Variants in PHTF1 observed in about 807,000 individuals in gnomAD.
PHTF1 encodes protein PHTF1.
Under a neutral mutation model 102.4 loss-of-function variants are expected in PHTF1, and 88 were observed. The ratio of observed to expected loss-of-function variants is 0.86; its 90% CI spans 0.72 to 1.03. The LOEUF is 1.03. Among genes scored for constraint, PHTF1 ranks in the 50% least tolerant of loss-of-function variants. The probability of loss-of-function intolerance (pLI) is 0.00; values close to 1 mark genes in which losing one functional copy is unlikely to be tolerated. For missense variants in PHTF1, 814 were observed against 909.5 expected (o/e 0.89, Z 1.35); for synonymous variants, 289 against 305.2 (o/e 0.95, Z 0.55).
intron 3 of PHTF1, among the ~76,000 whole-genome samples, chr1:113,751,648 T>C (rs1435112400): frequency 6.6e-6 from 1 of 152,242 alleles, no homozygotes; most frequent in Non-Finnish European, 1.5e-5. Flanking sequence ...CTATTAAGAA[T>C]AGTGCTGCTA....
At chr1:113,755,009 A>T (rs1372165007) in intron 3 of PHTF1, among the ~76,000 whole-genome samples, 1 of 152,098 alleles carries the variant, frequency 6.6e-6, no homozygotes, top group Non-Finnish European at 1.5e-5. Context: ...AGTTCAATAA[A>T]TGCTTATTGA....
At chr1:113,752,093 T>C (rs964313475) in intron 3 of PHTF1, among the ~76,000 whole-genome samples, 21 of 152,308 alleles carry the variant, frequency 1.4e-4, no homozygotes, top group Admixed American at 1.1e-3. Context: ...TATAGATACA[T>C]TTGGAGAAAA....
At chr1:113,749,555 CA>C (rs1164165652) in intron 3 of PHTF1, 10 of 152,226 alleles carry the variant, frequency 6.6e-5, no homozygotes, top group South Asian at 2.1e-4. Context: ...TTCTCTGGCT[CA>C]GCCTCTCCAG....
At chr1:113,705,737 C>CAAA (rs1420863136) in intron 13 of PHTF1, 153 bp downstream of exon 13, 1 of 657,828 alleles carries the variant, frequency 1.5e-6, no homozygotes. Flanking sequence ...GTCAATAACA[C>CAAA]AAACAATAAA....
At position 113,705,959 on chromosome 1, in the gene PHTF1, A is replaced by T; in HGVS notation, c.1602T>A (p.Phe534Leu). The T allele has an allele frequency of 6.2e-7, 1 of 1,614,112 alleles. No homozygotes were observed. ...TPIIVLSIIN[F>L]FERLCLTWMF... ...TCCAAGTAAGACACAATCTTTCAAA[A>T]AAATTAATTATCGACAAAACAATAA... is the stretch of plus-strand genomic sequence containing the variant. Residue 534 changes from phenylalanine (F) to leucine (L), a missense_variant, in exon 13 of 19, where the codon TTT becomes TTA. Physicochemically the swap from Phe to Leu is conservative, Grantham distance 22 (BLOSUM62 0). Transcript: ENST00000369604.
At chr1:113,706,285 T>C (rs1274523854) in intron 12 of PHTF1, 123 bp from the exon 13 acceptor site, 3 of 873,502 alleles carry the variant, frequency 3.4e-6, no homozygotes, top group Middle Eastern at 2.6e-4. Flanking sequence ...ACAAATGACA[T>C]ACAGATTTAT....
At position 113,724,776 on chromosome 1, in the gene PHTF1, C is replaced by T. The variant is rs769469191; in HGVS notation, c.606G>A (p.Glu202=). ...ESVPIIGGFW[E]TIFGNRIKRV... is the part of the protein sequence containing the mutation. The stretch of plus-strand genomic sequence containing the variant: ...ACTCCCACCTGTTGCCAAAGATAGT[C>T]TCCCAAAAACCACCAATAATGGGTA... The change falls in exon 7 of 19, where the codon GAG becomes GAA. Residue 202 remains glutamate (E), a synonymous_variant. Transcript: ENST00000369604. The T allele has an allele frequency of 3.8e-6, 6 of 1,599,070 alleles. No homozygotes were observed. Among genetic ancestry groups the T allele is most frequent in the Non-Finnish European group, 5.1e-6 (6 of 1,175,858 alleles).
chr1:113,698,618 TATACACACACACACAC>T (rs1416319363), intron 17 of PHTF1, among the ~76,000 whole-genome samples: 11 of 115,818 alleles, frequency 9.5e-5, no homozygotes, highest in Non-Finnish European at 1.4e-4. Context: ...TATATATATA[TATACACACACACACAC>T]ACACACACAC....
chr1:113,741,064 C>T (rs1157576535), intron 3 of PHTF1, among the ~76,000 whole-genome samples: 1 of 152,166 alleles, frequency 6.6e-6, no homozygotes. Flanking sequence ...ATAATTTGCA[C>T]ATGCTAATTC....
At chr1:113,701,830 A>G in intron 15 of PHTF1, among the ~76,000 whole-genome samples, 1 of 97,992 alleles carries the variant, frequency 1.0e-5, no homozygotes, top group African/African-American at 3.7e-5. Flanking sequence ...TCCTGGTAAA[A>G]AAAAAAAAAA....
Position 113,759,197 on chromosome 1 carries a change from G to T in PHTF1, c.-205C>A, listed in dbSNP as rs1489907268. On this transcript the variant is annotated 5_prime_UTR_variant, in exon 1 of 19. Coordinates refer to ENST00000369604, the MANE Select transcript of PHTF1 (RefSeq NM_001323043.2). Reference sequence around the variant, plus strand: ...CCGCGGAGGCCGCCCCAGCTTCGGAGGCAGCCGGCCGCCCAGCGCCCTGAG... The same window carrying T: ...CCGCGGAGGCCGCCCCAGCTTCGGATGCAGCCGGCCGCCCAGCGCCCTGAG... The T allele has an allele frequency of 1.7e-6, 1 of 596,044 alleles. No individual in the cohort carries two copies. The highest frequency in any genetic ancestry group is 1.4e-4 in the East Asian group (1 of 7,124). The allele number at this position is 596,044 out of a possible 1,614,324, so 36.9% of individuals were successfully genotyped here. A position where few individuals can be genotyped will look rare whatever the true frequency, so the allele number is the denominator to read the frequency against.
chr1:113,738,406 A>G lies in PHTF1; in HGVS notation c.173-138T>C, dbSNP rs1345252470. On this transcript the variant is annotated intron_variant, in intron 4 of 18. Transcript: ENST00000369604. The stretch of plus-strand genomic sequence containing the variant: ...CAGTTAAAAAAAAAAACCCTCTTAG[A>G]TGTTTGTTAAATGTAATAACTTCTT... 3.8e-5 allele frequency: 24 copies of G among 623,562 alleles called. No individual in the cohort carries two copies. The Middle Eastern group carries it at 1.5e-3, about 38-fold the overall frequency. The allele number at this position is 623,562 out of a possible 1,614,324, so 38.6% of individuals were successfully genotyped here. A position where few individuals can be genotyped will look rare whatever the true frequency, so the allele number is the denominator to read the frequency against.
chr1:113,738,083 A>G (rs1371179195), intron 5 of PHTF1, 27 bp downstream of exon 5: 5 of 1,528,382 alleles, frequency 3.3e-6, no homozygotes, highest in Non-Finnish European at 4.5e-6. Context: ...AGAAACTGTC[A>G]TTGCTTATTC....
At chr1:113,752,455 A>C (rs1374301373) in intron 3 of PHTF1, among the ~76,000 whole-genome samples, 1 of 118,428 alleles carries the variant, frequency 8.4e-6, no homozygotes, top group Non-Finnish European at 1.6e-5. Flanking sequence ...GCTGGAGTGC[A>C]GTGGCGCGAT....
chr1:113,739,533 G>C (rs1468405072), intron 3 of PHTF1, among the ~76,000 whole-genome samples: 1 of 152,144 alleles, frequency 6.6e-6, no homozygotes, highest in Non-Finnish European at 1.5e-5. Context: ...AATGTGTAAT[G>C]ATCAAACTAT....
At chr1:113,751,542 T>C (rs1658080258) in intron 3 of PHTF1, among the ~76,000 whole-genome samples, 1 of 152,248 alleles carries the variant, frequency 6.6e-6, no homozygotes, top group Non-Finnish European at 1.5e-5. Flanking sequence ...TAACAGTTTT[T>C]ATTGCTGAAT....
At chr1:113,731,985 A>G (rs576365302) in intron 5 of PHTF1, among the ~76,000 whole-genome samples, 8 of 152,198 alleles carry the variant, frequency 5.3e-5, no homozygotes, top group Admixed American at 2.6e-4. Context: ...AATGTTGTAA[A>G]GAAGTCAAAT....
At chr1:113,746,752 G>T in intron 3 of PHTF1, 1 of 276,244 alleles carries the variant, frequency 3.6e-6, no homozygotes, top group Non-Finnish European at 5.5e-6. Context: ...TGTATTATTT[G>T]GTTTTGGAGG....
intron 3 of PHTF1, among the ~76,000 whole-genome samples, chr1:113,745,511 G>A (rs1254617114): frequency 6.6e-6 from 1 of 152,178 alleles, no homozygotes; most frequent in Non-Finnish European, 1.5e-5. Flanking sequence ...AACCCCCAGG[G>A]CATGGAATAG....
Sources: gnomAD v4.1 joint callset for allele counts (sites outside exome capture counted in the v4.1 genomes callset) on GRCh38, gnomAD v4.1.1 for gene constraint, MANE v1.5 for transcripts, NCBI Gene and HGNC (gene_info 2026-07-23, HGNC 2026-07-21) for gene names.